The following FARP1 variants were observed in gnomAD, a reference collection of about 807,000 sequenced individuals.
FARP1 encodes the protein FERM, ARHGEF and pleckstrin domain-containing protein 1.
A neutral mutation model predicts 128.8 loss-of-function variants in FARP1; 52 were observed. The observed-to-expected ratio is 0.40, with a 90% CI of 0.32 to 0.51. The LOEUF is 0.51. Ranked by LOEUF, FARP1 falls within the 20% of genes least tolerant of loss-of-function variation. The pLI, the probability that FARP1 is intolerant of heterozygous loss-of-function variation, is 0.45. For synonymous variants in FARP1, 580 were observed against 551.8 expected (o/e 1.05, Z -0.72); for missense variants, 1,333 against 1,367.9 (o/e 0.97, Z 0.40).
intron 2 of FARP1, among the ~76,000 whole-genome samples, chr13:98,242,485 G>T (rs562553187): frequency 6.6e-6 from 1 of 152,112 alleles, no homozygotes; most frequent in African/African-American, 2.4e-5. Context: ...AGACCAGCCT[G>T]GGCAACATAG....
chr13:98,173,061 A>G (rs986612149), intron 1 of FARP1, among the ~76,000 whole-genome samples: 1 of 152,220 alleles, frequency 6.6e-6, no homozygotes, highest in African/African-American at 2.4e-5. Context: ...ATATCTATCA[A>G]TCTCGTGTTT....
intron 2 of FARP1, among the ~76,000 whole-genome samples, chr13:98,314,086 C>T (rs1441873741): frequency 6.6e-6 from 1 of 151,912 alleles, no homozygotes; most frequent in Non-Finnish European, 1.5e-5. Context: ...AACGTGTGTG[C>T]GGATGGGTAC....
At chr13:98,437,725 C>T (rs1386393133) in intron 19 of FARP1, 2 of 977,202 alleles carry the variant, frequency 2.0e-6, no homozygotes, top group Non-Finnish European at 3.3e-6. Flanking sequence ...ACCTGTATAG[C>T]TTCTCCGCTT....
At chr13:98,227,451 T>TAA (rs61196423) in intron 2 of FARP1, among the ~76,000 whole-genome samples, 2,367 of 141,438 alleles carry the variant, frequency 0.017, 53 homozygotes, top group African/African-American at 0.051. Flanking sequence ...TGGCTACTAT[T>TAA]AAAAAAAAAA....
chr13:98,378,882 A>C (rs1273113003), intron 6 of FARP1, among the ~76,000 whole-genome samples: 1 of 130,362 alleles, frequency 7.7e-6, no homozygotes, highest in African/African-American at 2.9e-5. Context: ...AAGCCTGACC[A>C]TGTGCCAGCA....
At chr13:98,356,968 C>A (rs926651137) in intron 3 of FARP1, among the ~76,000 whole-genome samples, 1 of 152,074 alleles carries the variant, frequency 6.6e-6, no homozygotes, top group African/African-American at 2.4e-5. Flanking sequence ...CAGCAATATT[C>A]TTTATTCTGA....
rs560001110 is a variant in FARP1 at position 98,453,012 on chromosome 13, G to A, written c.*4695G>A. On this transcript the variant is annotated 3_prime_UTR_variant, in exon 27 of 27. Coordinates refer to ENST00000319562, the MANE Select transcript of FARP1 (RefSeq NM_005766.4). ...AGAGACTTCATCTGGCTGCAGCACA[G>A]TGAAGACTGTGTGTGTCCCTGGACG... 1 of 681,280 alleles carries A rather than the reference G, an allele frequency of 1.5e-6. No individual in the cohort carries two copies. The highest frequency in any genetic ancestry group is 2.5e-6 in the Non-Finnish European group (1 of 405,570). 42.2% of individuals were successfully genotyped at this position (681,280 alleles called of 1,614,324 possible). A position where few individuals can be genotyped will look rare whatever the true frequency, so the allele number is the denominator to read the frequency against.
intron 1 of FARP1, among the ~76,000 whole-genome samples, chr13:98,211,575 C>CT (rs1217901024): frequency 1.3e-5 from 2 of 152,204 alleles, no homozygotes; most frequent in African/African-American, 4.8e-5. Context: ...GATTCTCACT[C>CT]TTTTTTGCCT....
At chr13:98,284,447 C>T (rs1438579195) in intron 2 of FARP1, among the ~76,000 whole-genome samples, 1 of 152,124 alleles carries the variant, frequency 6.6e-6, no homozygotes, top group Non-Finnish European at 1.5e-5. Flanking sequence ...AAGCTAAATC[C>T]CTGAGAAGTG....
rs1892613075 is a variant in FARP1, at chr13:98,443,445, G to A, written c.2796+2609G>A. On this transcript the variant is annotated intron_variant, in intron 24 of 26. Transcript: ENST00000319562. Reference sequence around the variant, plus strand: ...ATGTGCCAGACGCCAAATGCTCGCTGACTCGCAGATGAGCCATCCCCAGGG... The same window carrying A: ...ATGTGCCAGACGCCAAATGCTCGCTAACTCGCAGATGAGCCATCCCCAGGG... Among the ~76,000 whole-genome samples the A allele has an allele frequency of 2.0e-5, 3 of 152,216 alleles. No individual in the cohort carries two copies. The South Asian group carries it at 6.2e-4, about 32-fold the overall frequency.
chr13:98,247,048 G>A (rs1234296273), intron 2 of FARP1, among the ~76,000 whole-genome samples: 1 of 152,220 alleles, frequency 6.6e-6, no homozygotes, highest in Non-Finnish European at 1.5e-5. Context: ...CCAACATGGT[G>A]AAACCACGTC....
chr13:98,263,656 A>G (rs1883977992), intron 2 of FARP1, among the ~76,000 whole-genome samples: 1 of 152,242 alleles, frequency 6.6e-6, no homozygotes, highest in African/African-American at 2.4e-5. Flanking sequence ...CTAAGGAAAT[A>G]GGTAGATCTG....
At chr13:98,373,826 C>T (rs1264902458) in intron 5 of FARP1, among the ~76,000 whole-genome samples, 2 of 152,050 alleles carry the variant, frequency 1.3e-5, no homozygotes, top group Non-Finnish European at 2.9e-5. Flanking sequence ...ATAGTGTTTT[C>T]CATGTATCTC....
intron 1 of FARP1, chr13:98,208,616 A>G (rs1368256176): frequency 6.5e-6 from 1 of 152,938 alleles, no homozygotes; most frequent in African/African-American, 2.4e-5. Flanking sequence ...ATAAGGAGTG[A>G]ATAAAATCTT....
intron 2 of FARP1, among the ~76,000 whole-genome samples, chr13:98,230,689 C>T (rs191279003): frequency 1.7e-3 from 264 of 152,202 alleles, no homozygotes; most frequent in African/African-American, 6.3e-3. Flanking sequence ...TCCTCACTTT[C>T]TGTGCCTTGG....
At chr13:98,318,203 G>A (rs148129289) in intron 2 of FARP1, among the ~76,000 whole-genome samples, 12 of 150,518 alleles carry the variant, frequency 8.0e-5, no homozygotes, top group African/African-American at 2.9e-4. Flanking sequence ...CTACAGGCAT[G>A]CACCACCACA....
chr13:98,249,007 A>T (rs1313241416), intron 2 of FARP1, among the ~76,000 whole-genome samples: 1 of 152,210 alleles, frequency 6.6e-6, no homozygotes, highest in African/African-American at 2.4e-5. Context: ...TCAACAGTGT[A>T]TATTAAGTAA....
chr13:98,208,309 TG>T (rs1880420680), intron 1 of FARP1, among the ~76,000 whole-genome samples: 1 of 121,148 alleles, frequency 8.3e-6, no homozygotes, highest in Non-Finnish European at 1.6e-5. Flanking sequence ...CCATCTCTAC[TG>T]GGGAGAAAAA....
chr13:98,400,865 T>A (rs1051990277), intron 13 of FARP1: 1 of 152,210 alleles, frequency 6.6e-6, no homozygotes, highest in Non-Finnish European at 1.5e-5. Context: ...TTCTAGGTAA[T>A]CCCTGTAACA....
Sources: allele counts gnomAD v4.1 joint callset (sites outside exome capture counted in the v4.1 genomes callset), GRCh38; gene constraint gnomAD v4.1.1; transcripts MANE v1.5; gene names NCBI Gene and HGNC (gene_info 2026-07-23, HGNC 2026-07-21).